Variants in TENM2 observed in about 807,000 individuals in gnomAD.
TENM2 encodes the protein teneurin transmembrane protein 2, also known as teneurin-2.
TENM2 carries 52 observed loss-of-function variants against 245.2 expected under a neutral mutation model. The observed-to-expected ratio is 0.21, with a 90% confidence interval of 0.17 to 0.27. The LOEUF (loss-of-function observed/expected upper bound fraction) is 0.27, where lower values mean the gene tolerates loss of function less well. Ranked by LOEUF, TENM2 falls within the 10% of genes least tolerant of loss-of-function variation. The pLI, the probability that TENM2 is intolerant of heterozygous loss-of-function variation, is 1.00. For synonymous variants in TENM2, 1,363 were observed against 1,438.9 expected (o/e 0.95, Z 1.19); for missense variants, 3,046 against 3,666.8 (o/e 0.83, Z 4.37).
intron 13 of TENM2, among the ~76,000 whole-genome samples, chr5:168,189,130 C>T (rs1158201062): frequency 1.3e-5 from 2 of 152,190 alleles, no homozygotes; most frequent in Non-Finnish European, 2.9e-5. Flanking sequence ...TATAAGGACA[C>T]TCATCCATTT....
the TENM2 span, among the ~76,000 whole-genome samples, chr5:167,215,659 A>G: frequency 1.3e-5 from 2 of 152,214 alleles, no homozygotes; most frequent in South Asian, 2.1e-4. Context: ...GTCTTACATT[A>G]CAGAGAAGGA....
intron 2 of TENM2, among the ~76,000 whole-genome samples, chr5:167,808,499 A>G (rs1350988427): frequency 6.6e-6 from 1 of 152,136 alleles, no homozygotes; most frequent in African/African-American, 2.4e-5. Context: ...ACCTCAGGTG[A>G]TCAGCCTACC....
chr5:168,107,137 G>A (rs923800563), intron 9 of TENM2, among the ~76,000 whole-genome samples: 2 of 152,136 alleles, frequency 1.3e-5, no homozygotes, highest in East Asian at 1.9e-4. Flanking sequence ...CGCCAGGCAC[G>A]TTCCATCACC....
intron 2 of TENM2, among the ~76,000 whole-genome samples, chr5:167,471,029 A>T (rs965500864): frequency 1.3e-5 from 2 of 152,228 alleles, no homozygotes; most frequent in Non-Finnish European, 2.9e-5. Flanking sequence ...TAGTTTTCTC[A>T]TCTGTCAAAT....
At chr5:167,282,283 A>G (rs370674857), upstream of TENM2, among the ~76,000 whole-genome samples, 28 of 152,320 alleles carry the variant, frequency 1.8e-4, no homozygotes, top group African/African-American at 6.7e-4. Context: ...CAGTGTTGGT[A>G]CACAGTCTTA....
chr5:168,074,278 T>C (rs557722284), intron 7 of TENM2, among the ~76,000 whole-genome samples: 64 of 152,092 alleles, frequency 4.2e-4, no homozygotes, highest in Non-Finnish European at 8.4e-4. Flanking sequence ...GCTTGATATA[T>C]GGAGGGAGGA....
intron 4 of TENM2, among the ~76,000 whole-genome samples, chr5:167,957,605 G>T (rs538969307): frequency 6.6e-6 from 1 of 152,294 alleles, no homozygotes; most frequent in African/African-American, 2.4e-5. Context: ...TCTCCTATGG[G>T]CATTTAGTGC....
At chr5:167,546,135 G>A (rs1212653783) in intron 2 of TENM2, among the ~76,000 whole-genome samples, 1 of 152,204 alleles carries the variant, frequency 6.6e-6, no homozygotes, top group East Asian at 1.9e-4. Flanking sequence ...AGGCTAGAAA[G>A]TGGTGAAGCA....
chr5:167,109,042 C>A, the TENM2 span, among the ~76,000 whole-genome samples: 1 of 152,002 alleles, frequency 6.6e-6, no homozygotes, highest in Non-Finnish European at 1.5e-5. Context: ...AATGAAAAGG[C>A]AATTAACGTT....
intron 2 of TENM2, among the ~76,000 whole-genome samples, chr5:167,596,217 A>G (rs1170311512): frequency 6.6e-6 from 1 of 152,222 alleles, no homozygotes; most frequent in Non-Finnish European, 1.5e-5. Context: ...TGAAGTAAAC[A>G]TCAACAACTC....
At chr5:167,628,549 C>T (rs940922750) in intron 2 of TENM2, among the ~76,000 whole-genome samples, 1 of 152,174 alleles carries the variant, frequency 6.6e-6, no homozygotes, top group African/African-American at 2.4e-5. Context: ...GTCAGTACCT[C>T]TTCCTTTCTC....
chr5:168,070,840 G>C (rs1206681955), intron 7 of TENM2, among the ~76,000 whole-genome samples: 1 of 143,926 alleles, frequency 6.9e-6, no homozygotes, highest in African/African-American at 2.6e-5. Context: ...AGAAGAAAAA[G>C]AAAAAGAGAG....
At chr5:168,261,276 A>G (rs1284991422) in intron 28 of TENM2, among the ~76,000 whole-genome samples, 3 of 152,212 alleles carry the variant, frequency 2.0e-5, no homozygotes, top group Non-Finnish European at 4.4e-5. Flanking sequence ...CAAGGAGATA[A>G]TGGTGATTTC....
chr5:167,052,499 G>T, the TENM2 span, among the ~76,000 whole-genome samples: 2 of 152,020 alleles, frequency 1.3e-5, no homozygotes, highest in Non-Finnish European at 2.9e-5. Flanking sequence ...ATTTTAAACG[G>T]TCCTTTGAAA....
the TENM2 span, among the ~76,000 whole-genome samples, chr5:167,028,096 C>G: frequency 1.3e-4 from 19 of 144,256 alleles, no homozygotes; most frequent in Non-Finnish European, 2.7e-4. Flanking sequence ...AAAAAAGTTA[C>G]GTAGGTGGGA....
rs1227136688 is a variant in TENM2 at position 168,215,287 on chromosome 5, G to C, written c.4078+15G>C. ...GAGCCCGAGAGGTAAAGGACATCAAGGAAGAGTCTCCCGCCCCAGATAAAG... is the reference window on the plus strand; with the variant it reads ...GAGCCCGAGAGGTAAAGGACATCAACGAAGAGTCTCCCGCCCCAGATAAAG... On this transcript the variant is annotated intron_variant, in intron 21 of 28. Coordinates refer to ENST00000518659, the Ensembl canonical transcript of TENM2. The C allele has an allele frequency of 6.2e-7, 1 of 1,604,612 alleles. No individual in the cohort carries two copies. The highest frequency in any genetic ancestry group is 1.3e-5 in the African/African-American group (1 of 74,868).
the TENM2 span, among the ~76,000 whole-genome samples, chr5:167,257,902 A>G: frequency 3.3e-5 from 5 of 152,070 alleles, no homozygotes; most frequent in Admixed American, 3.3e-4. Context: ...TAATTTGGAT[A>G]TGAGAATGAG....
chr5:167,545,060 A>G (rs1490362452), intron 2 of TENM2, among the ~76,000 whole-genome samples: 1 of 152,122 alleles, frequency 6.6e-6, no homozygotes, highest in Non-Finnish European at 1.5e-5. Flanking sequence ...ATCTATTTCA[A>G]TAATTGAGCT....
chr5:168,081,402 T>C (rs563724286), intron 7 of TENM2, among the ~76,000 whole-genome samples: 10 of 152,360 alleles, frequency 6.6e-5, no homozygotes, highest in African/African-American at 2.4e-4. Context: ...AGTCTGTGTC[T>C]TTTAATTGGA....
Sources: gnomAD v4.1 joint callset for allele counts (sites outside exome capture counted in the v4.1 genomes callset) on GRCh38, gnomAD v4.1.1 for gene constraint, MANE v1.5 for transcripts, NCBI Gene and HGNC (gene_info 2026-07-23, HGNC 2026-07-21) for gene names.